The following ANAPC1 variants were observed in gnomAD, a reference collection of about 807,000 sequenced individuals.
ANAPC1 encodes anaphase promoting complex subunit 1.
Under a neutral mutation model 208.0 loss-of-function variants are expected in ANAPC1, and 36 were observed. That is an observed-to-expected ratio of 0.17 (90% CI 0.13 to 0.23). ANAPC1 has a LOEUF of 0.23. ANAPC1 is among the 10% of genes least tolerant of loss of function. The pLI is 1.00. For missense variants in ANAPC1, 942 were observed against 2,011.6 expected, an observed-to-expected ratio of 0.47 and a Z score of 10.17; for synonymous variants, 378 against 695.2, an observed-to-expected ratio of 0.54 and a Z score of 7.18.
At chr2:111,787,285 C>CA (rs1558664931) in intron 39 of ANAPC1, among the ~76,000 whole-genome samples, 4 of 148,644 alleles carry the variant, frequency 2.7e-5, no homozygotes, top group Non-Finnish European at 4.5e-5. Context: ...TTTAACAACT[C>CA]AAAAAATCTT....
intron 18 of ANAPC1, among the ~76,000 whole-genome samples, chr2:111,835,516 G>A (rs967596428): frequency 3.3e-5 from 5 of 152,090 alleles, no homozygotes; most frequent in African/African-American, 9.7e-5. Context: ...AAAAATTCTT[G>A]GACTAGATAC....
chr2:111,872,600 G>A (rs748159072), intron 6 of ANAPC1, 30 bp downstream of exon 6: 1 of 1,522,424 alleles, frequency 6.6e-7, no homozygotes, highest in Non-Finnish European at 9.1e-7. Context: ...ATCCCAAGCA[G>A]TAATATTCTG....
At chr2:111,859,128 T>C (rs1362056256) in intron 10 of ANAPC1, among the ~76,000 whole-genome samples, 1 of 152,174 alleles carries the variant, frequency 6.6e-6, no homozygotes, top group Non-Finnish European at 1.5e-5. Flanking sequence ...CTTCTCAGAT[T>C]AGGCCTCATT....
rs1360584309 is a variant in ANAPC1, at chr2:111,768,439, A to G, written c.*852T>C. ...CAGACTGGGTGGTTTCAACGACGGAAATGTATTTTCTTGCAATTCTGGAGG... is the reference window on the plus strand; with the variant it reads ...CAGACTGGGTGGTTTCAACGACGGAGATGTATTTTCTTGCAATTCTGGAGG... On this transcript the variant is annotated 3_prime_UTR_variant, in exon 48 of 48. Coordinates refer to ENST00000341068, the MANE Select transcript of ANAPC1 (RefSeq NM_022662.4). The G allele has an allele frequency of 6.6e-6, 1 of 151,680 alleles. No individual in the cohort carries two copies. Among genetic ancestry groups the G allele is most frequent in the Non-Finnish European group, 1.5e-5 (1 of 68,192 alleles). 9.4% of individuals were successfully genotyped at this position (151,680 alleles called of 1,614,324 possible). A position where few individuals can be genotyped will look rare whatever the true frequency, so the allele number is the denominator to read the frequency against.
At chr2:111,839,306 T>C (rs1403862083) in intron 17 of ANAPC1, among the ~76,000 whole-genome samples, 1 of 152,258 alleles carries the variant, frequency 6.6e-6, no homozygotes, top group Non-Finnish European at 1.5e-5. Flanking sequence ...AGCCATTGTA[T>C]CTTTTGAGGC....
At chr2:111,832,305 GAAAAAA>G (rs11431305) in intron 20 of ANAPC1, among the ~76,000 whole-genome samples, 34 of 76,822 alleles carry the variant, frequency 4.4e-4, no homozygotes, top group South Asian at 1.0e-3. Context: ...CCTGTCTCAA[GAAAAAA>G]AAAAAAAAAA....
At chr2:111,769,846 A>C (rs1195772557) in intron 47 of ANAPC1, among the ~76,000 whole-genome samples, 1 of 149,350 alleles carries the variant, frequency 6.7e-6, no homozygotes, top group African/African-American at 2.5e-5. Flanking sequence ...ACGCCCAGCT[A>C]ATTTTTTTTG....
At chr2:111,824,865 G>T (rs1342853926) in intron 24 of ANAPC1, 101 bp downstream of exon 24, 3 of 1,228,586 alleles carry the variant, frequency 2.4e-6, no homozygotes, top group African/African-American at 3.0e-5. Flanking sequence ...ATCTTGTGAG[G>T]CCTTTTCACA....
intron 38 of ANAPC1, among the ~76,000 whole-genome samples, chr2:111,791,171 T>C (rs1450849107): frequency 1.3e-5 from 2 of 151,466 alleles, no homozygotes; most frequent in Admixed American, 1.3e-4. Flanking sequence ...AAGTGTAAAA[T>C]GGTACTCAAG....
intron 13 of ANAPC1, among the ~76,000 whole-genome samples, chr2:111,854,476 C>G (rs1413256831): frequency 6.6e-6 from 1 of 152,154 alleles, no homozygotes; most frequent in African/African-American, 2.4e-5. Context: ...TCAGACTGTC[C>G]TTTGAAGCCA....
At chr2:111,877,575 T>G (rs904575405) in intron 3 of ANAPC1, among the ~76,000 whole-genome samples, 6 of 152,048 alleles carry the variant, frequency 3.9e-5, no homozygotes, top group African/African-American at 7.2e-5. Flanking sequence ...GGTCAGGAGA[T>G]CGAGACCATC....
downstream of ANAPC1, chr2:111,766,344 T>C (rs199579033): frequency 0.015 from 2,279 of 152,378 alleles, 31 homozygotes; most frequent in East Asian, 0.09. Flanking sequence ...CGGGCAGCCC[T>C]TGGAAGCAGG....
chr2:111,842,277 G>A (rs918908947), intron 17 of ANAPC1, among the ~76,000 whole-genome samples: 1 of 152,152 alleles, frequency 6.6e-6, no homozygotes, highest in Non-Finnish European at 1.5e-5. Context: ...TCTCTAAGTA[G>A]TATAATTATT....
At chr2:111,868,853 G>T (rs1262298249) in intron 6 of ANAPC1, among the ~76,000 whole-genome samples, 2 of 151,974 alleles carry the variant, frequency 1.3e-5, no homozygotes, top group Non-Finnish European at 2.9e-5. Context: ...ATTTTTTAAG[G>T]AATTATTTTT....
chr2:111,775,111 C>A (rs973974033), intron 46 of ANAPC1, among the ~76,000 whole-genome samples: 2 of 152,020 alleles, frequency 1.3e-5, no homozygotes, highest in African/African-American at 4.8e-5. Context: ...ACTAAAAGTA[C>A]AAAAATTAGC....
At chr2:111,833,917 T>G (rs1057280958) in intron 19 of ANAPC1, among the ~76,000 whole-genome samples, 1 of 152,182 alleles carries the variant, frequency 6.6e-6, no homozygotes, top group African/African-American at 2.4e-5. Context: ...GGTTGACATT[T>G]CAATTCAAAT....
intron 21 of ANAPC1, among the ~76,000 whole-genome samples, chr2:111,827,265 C>A (rs1393878463): frequency 6.6e-6 from 1 of 152,142 alleles, no homozygotes; most frequent in Non-Finnish European, 1.5e-5. Flanking sequence ...AAAAGTCTCT[C>A]AAAAGAGTTA....
At chr2:111,876,357 G>C (rs1412346825) in intron 3 of ANAPC1, among the ~76,000 whole-genome samples, 1 of 151,790 alleles carries the variant, frequency 6.6e-6, no homozygotes, top group African/African-American at 2.4e-5. Flanking sequence ...AAACAAAATA[G>C]AAAATTATCT....
chr2:111,806,359 T>C (rs1478846330), intron 29 of ANAPC1, among the ~76,000 whole-genome samples: 1 of 32,648 alleles, frequency 3.1e-5, no homozygotes, highest in Non-Finnish European at 6.3e-5. Context: ...GGTGAAACCC[T>C]GTCTCTACTA....
Sources: gnomAD v4.1 joint callset for allele counts (sites outside exome capture counted in the v4.1 genomes callset) on GRCh38, gnomAD v4.1.1 for gene constraint, MANE v1.5 for transcripts, NCBI Gene and HGNC (gene_info 2026-07-23, HGNC 2026-07-21) for gene names.